Variants in RPS6KA2 observed in about 807,000 individuals in gnomAD.
RPS6KA2 encodes the protein ribosomal protein S6 kinase alpha-2.
In RPS6KA2, 42 loss-of-function variants were observed where a neutral mutation model predicts 91.8. The ratio of observed to expected loss-of-function variants is 0.46; its 90% CI spans 0.36 to 0.59. The LOEUF is 0.59. Among genes scored for constraint, RPS6KA2 ranks in the 20% least tolerant of loss-of-function variants. The pLI, the probability that RPS6KA2 is intolerant of heterozygous loss-of-function variation, is 0.00. For missense variants in RPS6KA2, 798 were observed against 978.5 expected, an observed-to-expected ratio of 0.82 and a Z score of 2.46; for synonymous variants, 414 against 393.6, an observed-to-expected ratio of 1.05 and a Z score of -0.61.
At chr6:166,702,340 GT>G in intron 2 of RPS6KA2, 1 of 1,612,612 alleles carries the variant, frequency 6.2e-7, no homozygotes, top group South Asian at 1.1e-5. Context: ...GCAGAAAGGG[GT>G]TTTGCTGGGT....
intron 3 of RPS6KA2, among the ~76,000 whole-genome samples, chr6:166,519,157 GA>G (rs1782760894): frequency 1.3e-5 from 2 of 152,314 alleles, no homozygotes; most frequent in African/African-American, 4.8e-5. Flanking sequence ...TCATTTCTAA[GA>G]TCTAGATGTA....
chr6:166,717,182 C>T (rs910048310), intron 2 of RPS6KA2, among the ~76,000 whole-genome samples: 2 of 152,146 alleles, frequency 1.3e-5, no homozygotes, highest in Non-Finnish European at 2.9e-5. Context: ...AGTCTGAGTT[C>T]GTCTGAGGCT....
chr6:166,800,409 C>T (rs1779337319), intron 2 of RPS6KA2, among the ~76,000 whole-genome samples: 1 of 152,196 alleles, frequency 6.6e-6, no homozygotes, highest in South Asian at 2.1e-4. Flanking sequence ...TGGTGTGTGT[C>T]CTTCCACAGC....
intron 2 of RPS6KA2, among the ~76,000 whole-genome samples, chr6:166,824,279 G>T (rs1583156515): frequency 6.6e-6 from 1 of 152,274 alleles, no homozygotes; most frequent in East Asian, 1.9e-4. Flanking sequence ...ATAGAGATGT[G>T]GTATGGACCA....
chr6:166,426,803 A>G (rs994908265), intron 16 of RPS6KA2, among the ~76,000 whole-genome samples: 14 of 138,510 alleles, frequency 1.0e-4, no homozygotes, highest in Admixed American at 2.2e-4. Context: ...AATTGTGGCA[A>G]TAATCAACAG....
chr6:166,618,593 G>A (rs1210617563), intron 1 of RPS6KA2, among the ~76,000 whole-genome samples: 1 of 152,228 alleles, frequency 6.6e-6, no homozygotes, highest in Non-Finnish European at 1.5e-5. Flanking sequence ...GGCAGTGAGA[G>A]GCCTTGGCTG....
chr6:166,539,060 T>C (rs2071939), intron 1 of RPS6KA2, among the ~76,000 whole-genome samples: 33,618 of 152,046 alleles, frequency 0.22, 4,173 homozygotes, highest in East Asian at 0.48. Flanking sequence ...CTCAGCCTCC[T>C]GCCACCATGC....
chr6:166,722,428 A>G (rs1302653898), intron 2 of RPS6KA2, among the ~76,000 whole-genome samples: 1 of 152,166 alleles, frequency 6.6e-6, no homozygotes, highest in Non-Finnish European at 1.5e-5. Flanking sequence ...CCCTTATCTT[A>G]TTGTATTTTC....
chr6:166,504,145 G>A (rs1168875537), intron 6 of RPS6KA2, among the ~76,000 whole-genome samples: 1 of 152,220 alleles, frequency 6.6e-6, no homozygotes, highest in Non-Finnish European at 1.5e-5. Context: ...GTCCCCAGTG[G>A]CCAGATGAGC....
In RPS6KA2 at chr6:166,419,029, T is replaced by C. The variant is rs748200033; in HGVS notation, c.1821-687A>G. 1.3e-5 allele frequency among the ~76,000 whole-genome samples: 2 copies of C among 152,222 alleles called. No homozygotes were observed. The highest frequency in any genetic ancestry group is 2.4e-5 in the African/African-American group (1 of 41,462). On this transcript the variant is annotated intron_variant, in intron 18 of 20. Transcript: ENST00000265678. The surrounding 1 kb of genome is among the most constrained non-coding windows in gnomAD (Gnocchi z 5.6). ...GGTAAGAAACTGAGGTTCCTTCCTT[T>C]GCTACTGCAGTCCTCAGGGTGCGGC...
At chr6:166,710,361 T>C (rs1789806627) in intron 2 of RPS6KA2, among the ~76,000 whole-genome samples, 1 of 152,198 alleles carries the variant, frequency 6.6e-6, no homozygotes, top group Non-Finnish European at 1.5e-5. Flanking sequence ...CCTCCCACCA[T>C]AATGTACTTT....
Position 166,432,478 on chromosome 6 carries a change from T to C in RPS6KA2, c.1345A>G (p.Ser449Gly). ...TEYAVKIIDK[S>G]KRDPSEEIEI... is the part of the protein sequence containing the mutation. ...ATCTCTTCCGAGGGGTCTCTCTTGCTCTTATCAATGATCTGGAACAAACAC... is the reference window on the plus strand; with the variant it reads ...ATCTCTTCCGAGGGGTCTCTCTTGCCCTTATCAATGATCTGGAACAAACAC... Residue 449 changes from serine to glycine, a missense_variant, in exon 15 of 21, where the codon AGC (serine) becomes GGC (glycine). Physicochemically the swap from Ser to Gly is moderately conservative, Grantham distance 56 (BLOSUM62 0). Coordinates refer to ENST00000265678, the MANE Select transcript of RPS6KA2 (RefSeq NM_021135.6). The C allele has an allele frequency of 6.2e-7, 1 of 1,611,536 alleles. No individual in the cohort carries two copies. Among genetic ancestry groups the C allele is most frequent in the Non-Finnish European group, 8.5e-7 (1 of 1,177,772 alleles).
At chr6:166,799,606 TA>T (rs751271039) in intron 2 of RPS6KA2, among the ~76,000 whole-genome samples, 82 of 52,368 alleles carry the variant, frequency 1.6e-3, no homozygotes, top group African/African-American at 4.0e-3. Flanking sequence ...TTTTTTTTTT[TA>T]AAAGGATGAG....
At position 166,433,438 on chromosome 6, in the gene RPS6KA2, A is replaced by G. The variant is rs1779202949; in HGVS notation, c.1333-948T>C. Among the ~76,000 whole-genome samples the G allele has an allele frequency of 1.3e-5, 2 of 152,180 alleles. No homozygotes were observed. The highest frequency in any genetic ancestry group is 2.9e-5 in the Non-Finnish European group (2 of 68,030). ...AGTCGCTGTTGGTCCCTGGTGGCTA[A>G]TCCCTCTGGAGGTGCCTAAGTCCCG... is the stretch of plus-strand genomic sequence containing the variant. On this transcript the variant is annotated intron_variant, in intron 14 of 20. Coordinates refer to ENST00000265678, the MANE Select transcript of RPS6KA2 (RefSeq NM_021135.6). This position sits in a 1 kb window ranked among gnomAD's most constrained non-coding sequence, Gnocchi z 4.4.
In RPS6KA2 at chr6:166,435,343, CAT is replaced by C. The variant is rs1370991765; in HGVS notation, c.1333-2855_1333-2854del. On this transcript the variant is annotated intron_variant, in intron 14 of 20. Coordinates refer to ENST00000265678, the MANE Select transcript of RPS6KA2 (RefSeq NM_021135.6). The surrounding 1 kb of genome is among the most constrained non-coding windows in gnomAD (Gnocchi z 4.3). ...TAATAAAAGCTAGCATGTATGTGCACATGTGAGGCACACTGGATTTCAACCCA... is the reference window on the plus strand; with the variant it reads ...TAATAAAAGCTAGCATGTATGTGCACGTGAGGCACACTGGATTTCAACCCA... 1.5e-4 allele frequency among the ~76,000 whole-genome samples: 23 copies of C among 152,192 alleles called. No individual in the cohort carries two copies. The highest frequency in any genetic ancestry group is 5.3e-4 in the African/African-American group (22 of 41,428).
At chr6:166,637,075 G>T (rs193033766) in intron 2 of RPS6KA2, among the ~76,000 whole-genome samples, 1 of 152,210 alleles carries the variant, frequency 6.6e-6, no homozygotes, top group East Asian at 1.9e-4. Flanking sequence ...GGGAGGTGCC[G>T]CCTCTGTTGT....
chr6:166,845,899 C>A (rs1780594078), intron 2 of RPS6KA2, among the ~76,000 whole-genome samples: 1 of 151,558 alleles, frequency 6.6e-6, no homozygotes, highest in African/African-American at 2.4e-5. Context: ...AAAGAAAATA[C>A]AAAAATTAAA....
At position 166,423,481 on chromosome 6, in the gene RPS6KA2, G is replaced by C; in HGVS notation, c.1582-64C>G. On this transcript the variant is annotated intron_variant, in intron 16 of 20. Coordinates refer to ENST00000265678, the MANE Select transcript of RPS6KA2 (RefSeq NM_021135.6). This position sits in a 1 kb window ranked among gnomAD's most constrained non-coding sequence, Gnocchi z 4.8. ...GGACTGAGCAGGAGAGGGAGGGCAG[G>C]TGCATTTGGAGGGGAGGGTGCATTT... 2 of 1,509,278 alleles carry C rather than the reference G, an allele frequency of 1.3e-6. No individual in the cohort carries two copies. The highest frequency in any genetic ancestry group is 1.8e-6 in the Non-Finnish European group (2 of 1,108,632). The allele number at this position is 1,509,278 out of a possible 1,614,324, so 93.5% of individuals were successfully genotyped here.
intron 2 of RPS6KA2, among the ~76,000 whole-genome samples, chr6:166,833,548 T>C (rs1298047167): frequency 1.3e-5 from 2 of 152,154 alleles, no homozygotes; most frequent in Non-Finnish European, 2.9e-5. Flanking sequence ...CATGTCCCTT[T>C]GTCAGTTTCC....
Sources: gnomAD v4.1 joint callset for allele counts (sites outside exome capture counted in the v4.1 genomes callset) on GRCh38, gnomAD v4.1.1 for gene constraint, Gnocchi (gnomAD v3.1) non-coding constraint, MANE v1.5 for transcripts, NCBI Gene and HGNC (gene_info 2026-07-23, HGNC 2026-07-21) for gene names.